Variants in MFN1 observed in about 807,000 individuals in gnomAD.
MFN1 encodes mitofusin-1.
A neutral mutation model predicts 92.4 loss-of-function variants in MFN1; 65 were observed. The ratio of observed to expected loss-of-function variants is 0.70; its 90% CI spans 0.58 to 0.86. MFN1 has a LOEUF of 0.86. Ranked by LOEUF, MFN1 falls within the 40% of genes least tolerant of loss-of-function variation. The probability of loss-of-function intolerance (pLI) is 0.00; values close to 1 mark genes in which losing one functional copy is unlikely to be tolerated. For missense variants in MFN1, 781 were observed against 868.0 expected (o/e 0.90, Z 1.26); for synonymous variants, 297 against 300.9 (o/e 0.99, Z 0.13).
At position 179,394,714 on chromosome 3, in the gene MFN1, C is replaced by G. The variant is rs185694664; in HGVS notation, c.*2655C>G. On this transcript the variant is annotated 3_prime_UTR_variant, in exon 18 of 18. Transcript: ENST00000471841. ...ACAGGCGTGAGCCACCGCGCCCGGC[C>G]GAAAGCCAACTCTTATGCCTAGAAA... 7.2e-5 allele frequency: 11 copies of G among 152,246 alleles called. No homozygotes were observed. The highest frequency in any genetic ancestry group is 2.7e-4 in the African/African-American group (11 of 41,434). The allele number at this position is 152,246 out of a possible 1,614,324, so 9.4% of individuals were successfully genotyped here.
intron 14 of MFN1, among the ~76,000 whole-genome samples, chr3:179,385,219 CT>C (rs11302834): frequency 0.7 from 101,612 of 145,086 alleles, 35,556 homozygotes; most frequent in African/African-American, 0.79. Flanking sequence ...GGCCGAAGTC[CT>C]TTTTTTTTTT....
intron 9 of MFN1, among the ~76,000 whole-genome samples, chr3:179,368,714 G>T (rs936722463): frequency 6.6e-6 from 1 of 152,152 alleles, no homozygotes; most frequent in Admixed American, 6.5e-5. Flanking sequence ...ATGTTGCATT[G>T]TAAGTGTTTT....
chr3:179,387,489 T>G (rs983809440), intron 16 of MFN1, among the ~76,000 whole-genome samples: 2 of 151,504 alleles, frequency 1.3e-5, no homozygotes, highest in African/African-American at 4.9e-5. Context: ...GAGGTTGTAG[T>G]GAGCCGAGAT....
chr3:179,376,653 A>G (rs957093311), intron 10 of MFN1, among the ~76,000 whole-genome samples: 1 of 152,196 alleles, frequency 6.6e-6, no homozygotes, highest in East Asian at 1.9e-4. Context: ...AGGTAAATGA[A>G]TGGGTGTGGC....
intron 7 of MFN1, among the ~76,000 whole-genome samples, chr3:179,366,428 C>A (rs1712797821): frequency 6.7e-6 from 1 of 150,290 alleles, no homozygotes. Context: ...ATTGTAGAAA[C>A]TTAAAAAGAA....
At position 179,375,201 on chromosome 3, in the gene MFN1, C is replaced by T. The variant is rs9865666; in HGVS notation, c.976-19C>T. ...GCGATGGAATTACAGTAATGTGTTA[C>T]GGCTTGGGCCCCTCGCAGGAGTGTA... On this transcript the variant is annotated intron_variant, in intron 9 of 17. Transcript: ENST00000471841. 0.66 allele frequency: 1,060,968 copies of T among 1,595,970 alleles called. 354,844 individuals carry two copies. Among genetic ancestry groups the T allele is most frequent in the Admixed American group, 0.79 (44,185 of 55,714 alleles).
At chr3:179,385,796 G>T (rs533997245) in intron 15 of MFN1, 75 bp downstream of exon 15, 1 of 1,376,478 alleles carries the variant, frequency 7.3e-7, no homozygotes, top group Admixed American at 2.0e-5. Context: ...AAAAGAAAAG[G>T]TATACAGTAT....
chr3:179,366,439 G>T (rs1712798642), intron 7 of MFN1, among the ~76,000 whole-genome samples: 1 of 151,176 alleles, frequency 6.6e-6, no homozygotes, highest in Non-Finnish European at 1.5e-5. Flanking sequence ...TTAAAAAGAA[G>T]TATCTGGAAT....
chr3:179,383,785 G>A (rs1226675038), intron 14 of MFN1, among the ~76,000 whole-genome samples: 3 of 152,130 alleles, frequency 2.0e-5, no homozygotes, highest in South Asian at 2.1e-4. Flanking sequence ...TACAAAGGAT[G>A]TGAAGGACCT....
chr3:179,366,209 A>C (rs115959474), intron 7 of MFN1, among the ~76,000 whole-genome samples: 3,971 of 152,314 alleles, frequency 0.026, 190 homozygotes, highest in African/African-American at 0.091. Flanking sequence ...CCAAAACGTC[A>C]GTAATGCAGA....
Position 179,368,045 on chromosome 3 carries a change from T to C in MFN1, c.917T>C (p.Leu306Pro). The change falls in exon 9 of 18, where the codon CTT becomes CCT. Residue 306 changes from leucine (L) to proline (P), a missense_variant. Transcript: ENST00000471841. ...TGCCTGTACGTTACAGGTGTGGCAC[T>C]TGCTGAAGGATTTCATGCAAGATTA... Reference protein sequence around the residue: ...AQGMPESGVALAEGFHARLQE... With the variant: ...AQGMPESGVAPAEGFHARLQE... The C allele has an allele frequency of 6.4e-7, 1 of 1,567,564 alleles. No homozygotes were observed. The highest frequency in any genetic ancestry group is 1.4e-5 in the African/African-American group (1 of 72,824).
Position 179,377,175 on chromosome 3 carries a change from AAC to A in MFN1, c.1224+9_1224+10del. The A allele has an allele frequency of 6.2e-7, 1 of 1,611,576 alleles. No homozygotes were observed. The highest frequency in any genetic ancestry group is 8.5e-7 in the Non-Finnish European group (1 of 1,179,118). On this transcript the variant is annotated splice_region_variant and intron_variant, in intron 11 of 17. Coordinates refer to ENST00000471841, the MANE Select transcript of MFN1 (RefSeq NM_033540.3). ...CGAGGAGGTGGCAAACAAAGTGGGT[AAC>A]AGTAGCTTCATGATTAAAATAACCT...
intron 2 of MFN1, 68 bp from the exon 3 acceptor site, chr3:179,351,832 G>A (rs978195294): frequency 6.9e-7 from 1 of 1,443,558 alleles, no homozygotes. Flanking sequence ...ACAATCTTAG[G>A]TATTCCATTA....
intron 1 of MFN1, 193 bp from the exon 2 acceptor site, chr3:179,348,652 A>T (rs1414814235): frequency 2.7e-6 from 2 of 747,034 alleles, no homozygotes; most frequent in Non-Finnish European, 1.9e-6. Flanking sequence ...GATTTCACTT[A>T]TTTTAGTGAA....
intron 16 of MFN1, among the ~76,000 whole-genome samples, chr3:179,388,260 T>G (rs112206701): frequency 2.0e-5 from 3 of 152,338 alleles, no homozygotes; most frequent in African/African-American, 7.2e-5. Flanking sequence ...CTAAGAAAGC[T>G]GAATGAATTC....
chr3:179,385,694 T>C lies in MFN1; in HGVS notation c.1788T>C (p.Ser596=), dbSNP rs1713658852. ...TGGCGTCCGTTACATCTAGAACTTC[T>C]ATGGGCATCATTATTGTTGGAGGAG... ...TGLASVTSRT[S]MGIIIVGGVI... Residue 596 remains serine, a synonymous_variant, in exon 15 of 18, where the codon TCT becomes TCC. Transcript: ENST00000471841. 1.2e-6 allele frequency: 2 copies of C among 1,613,266 alleles called. No individual in the cohort carries two copies. The highest frequency in any genetic ancestry group is 1.7e-5 in the Admixed American group (1 of 59,782).
At position 179,394,827 on chromosome 3, in the gene MFN1, T is replaced by A. The variant is rs1016766797; in HGVS notation, c.*2768T>A. The A allele has an allele frequency of 3.0e-4, 45 of 152,028 alleles. No homozygotes were observed. Among genetic ancestry groups the A allele is most frequent in the African/African-American group, 1.1e-3 (44 of 41,408 alleles). 9.4% of individuals were successfully genotyped at this position (152,028 alleles called of 1,614,324 possible). A position where few individuals can be genotyped will look rare whatever the true frequency, so the allele number is the denominator to read the frequency against. ...TTCAAAGTTATTGCACATACACTTG[T>A]TTACTTTGTATGTTTGCAGGATTAA... On this transcript the variant is annotated 3_prime_UTR_variant, in exon 18 of 18. Transcript: ENST00000471841.
rs141885014 is a variant in MFN1, at chr3:179,378,399, A to T, written c.1388A>T (p.Asp463Val). ...AGAAATTTGGCTGATCGATGCACCG[A>T]TGAAGTAAACGCCTTAGTGCTTCAG... ...MGRNLADRCT[D>V]EVNALVLQTQ... Residue 463 changes from aspartate (D) to valine (V), a missense_variant, in exon 13 of 18, where the codon GAT (aspartate) becomes GTT (valine). Transcript: ENST00000471841. 3.3e-4 allele frequency: 536 copies of T among 1,607,114 alleles called. 3 individuals are homozygous for T. In the East Asian group the frequency reaches 0.01, roughly 31 times the overall value.
Position 179,378,730 on chromosome 3 carries a change from G to C in MFN1, c.1578G>C (p.Leu526=), listed in dbSNP as rs765837538. The change falls in exon 14 of 18, where the codon CTG becomes CTC. Residue 526 remains leucine (L), a synonymous_variant. Coordinates refer to ENST00000471841, the MANE Select transcript of MFN1 (RefSeq NM_033540.3). ...AGGATATTGTATTTCGTTTTTCCCTGGGCTGGTCTTCCCTTGTACATCGAT... is the reference window on the plus strand; with the variant it reads ...AGGATATTGTATTTCGTTTTTCCCTCGGCTGGTCTTCCCTTGTACATCGAT... ...FQEDIVFRFS[L]GWSSLVHRFL... 11 of 1,613,944 alleles carry C rather than the reference G, an allele frequency of 6.8e-6. No individual in the cohort carries two copies. In the Admixed American group the frequency reaches 1.8e-4, roughly 27 times the overall value.
Sources: allele counts gnomAD v4.1 joint callset (sites outside exome capture counted in the v4.1 genomes callset), GRCh38; gene constraint gnomAD v4.1.1; transcripts MANE v1.5; gene names NCBI Gene and HGNC (gene_info 2026-07-23, HGNC 2026-07-21).